ANKDD1B: variants seen among roughly 807,000 people sequenced by gnomAD.
The protein encoded by ANKDD1B is ankyrin repeat and death domain containing 1B.
Under a neutral mutation model 59.7 loss-of-function variants are expected in ANKDD1B, and 57 were observed. The ratio of observed to expected loss-of-function variants is 0.95; its 90% CI spans 0.77 to 1.19. The LOEUF (loss-of-function observed/expected upper bound fraction) is 1.19. ANKDD1B is among the 50% of genes most tolerant of loss of function. ANKDD1B has a pLI of 0.00. For synonymous variants in ANKDD1B, 216 were observed against 239.5 expected (o/e 0.90, Z 0.91); for missense variants, 602 against 641.9 (o/e 0.94, Z 0.67).
chr5:75,656,160 C>T (rs981678630), intron 9 of ANKDD1B, 33 bp downstream of exon 9: 1 of 1,090,088 alleles, frequency 9.2e-7, no homozygotes, highest in Non-Finnish European at 1.3e-6. Context: ...TGGAGGGTCT[C>T]TTTTCTTAGT....
chr5:75,648,565 C>G (rs954859219), intron 7 of ANKDD1B, among the ~76,000 whole-genome samples: 4 of 152,204 alleles, frequency 2.6e-5, no homozygotes, highest in African/African-American at 9.6e-5. Context: ...CATATTGCCC[C>G]TGTCCTTACA....
chr5:75,636,265 A>T (rs530803523), intron 7 of ANKDD1B, among the ~76,000 whole-genome samples: 1 of 152,344 alleles, frequency 6.6e-6, no homozygotes, highest in East Asian at 1.9e-4. Flanking sequence ...TACAGTTTTC[A>T]CAGAAGAGGT....
In ANKDD1B at chr5:75,625,897, G is replaced by A. The variant is rs149209328; in HGVS notation, c.542G>A (p.Arg181His). Reference sequence around the variant, plus strand: ...TTTGCCACTCAGAGCAATCATGTGCGCATCGTGGAGTATCTTATTCAAGAT... The same window carrying A: ...TTTGCCACTCAGAGCAATCATGTGCACATCGTGGAGTATCTTATTCAAGAT... ...LHFATQSNHV[R>H]IVEYLIQDLH... The change falls in exon 5 of 14, where the codon CGC becomes CAC. Residue 181 changes from arginine (R) to histidine (H), a missense_variant. This residue lies in a region of ANKDD1B where 317 missense variants were observed against 304.6 expected (regional missense o/e 1.04). Transcript: ENST00000601380. 431 of 1,536,190 alleles carry A rather than the reference G, an allele frequency of 2.8e-4. 2 individuals carry two copies. In the African/African-American group the frequency reaches 4.9e-3, roughly 17 times the overall value.
At chr5:75,664,926 CA>C (rs1775267136) in intron 11 of ANKDD1B, among the ~76,000 whole-genome samples, 1 of 152,022 alleles carries the variant, frequency 6.6e-6, no homozygotes, top group African/African-American at 2.4e-5. Context: ...TTTTTTTAAC[CA>C]AATGCATTTA....
chr5:75,654,066 T>C (rs1177583120), intron 8 of ANKDD1B, among the ~76,000 whole-genome samples: 1 of 152,240 alleles, frequency 6.6e-6, no homozygotes, highest in African/African-American at 2.4e-5. Context: ...AGAAGAGACC[T>C]ACACAGAAAT....
At chr5:75,667,083 G>A (rs1297788367) in intron 12 of ANKDD1B, 90 bp downstream of exon 12, 3 of 841,210 alleles carry the variant, frequency 3.6e-6, no homozygotes, top group Non-Finnish European at 5.1e-6. Flanking sequence ...GGAAGTGTGT[G>A]GCACTCACAA....
At chr5:75,651,107 A>T (rs532042647) in intron 7 of ANKDD1B, among the ~76,000 whole-genome samples, 2 of 152,350 alleles carry the variant, frequency 1.3e-5, no homozygotes, top group Admixed American at 1.3e-4. Context: ...TGGAACTGGC[A>T]CGCTGGAATT....
At chr5:75,643,568 G>A (rs1196044560) in intron 7 of ANKDD1B, among the ~76,000 whole-genome samples, 2 of 39,878 alleles carry the variant, frequency 5.0e-5, no homozygotes, top group Non-Finnish European at 8.0e-5. Flanking sequence ...AAAGAAATGA[G>A]CAAAGCCTCC....
At chr5:75,660,464 G>T (rs559555399) in intron 10 of ANKDD1B, among the ~76,000 whole-genome samples, 1 of 152,298 alleles carries the variant, frequency 6.6e-6, no homozygotes, top group Admixed American at 6.5e-5. Flanking sequence ...TTCATTGTAT[G>T]TCTATACCAC....
intron 1 of ANKDD1B, among the ~76,000 whole-genome samples, chr5:75,615,668 C>CTG (rs113185824): frequency 0.16 from 23,664 of 144,176 alleles, 2,958 homozygotes; most frequent in African/African-American, 0.36. Context: ...CTGGTCTTCC[C>CTG]TGTGTGTGTG....
At chr5:75,636,736 A>T (rs1206277023) in intron 7 of ANKDD1B, among the ~76,000 whole-genome samples, 1 of 152,162 alleles carries the variant, frequency 6.6e-6, no homozygotes, top group Non-Finnish European at 1.5e-5. Context: ...CATGAGCAAC[A>T]AACAGGATGA....
chr5:75,617,386 G>A (rs546823566), intron 2 of ANKDD1B, among the ~76,000 whole-genome samples: 11 of 152,252 alleles, frequency 7.2e-5, no homozygotes, highest in South Asian at 6.2e-4. Context: ...AATGTAGTGC[G>A]TCTCCCTCTT....
chr5:75,670,230 T>G (rs1775437880), intron 13 of ANKDD1B, among the ~76,000 whole-genome samples: 1 of 152,224 alleles, frequency 6.6e-6, no homozygotes, highest in African/African-American at 2.4e-5. Context: ...TGCCATGAAT[T>G]ATCTTGTTTT....
At chr5:75,667,858 C>T (rs1025935611) in intron 12 of ANKDD1B, among the ~76,000 whole-genome samples, 5 of 152,188 alleles carry the variant, frequency 3.3e-5, no homozygotes, top group African/African-American at 1.2e-4. Context: ...GGCAGAAGCA[C>T]AGTCCATGAG....
chr5:75,640,023 C>A (rs904647371), intron 7 of ANKDD1B, among the ~76,000 whole-genome samples: 1 of 151,706 alleles, frequency 6.6e-6, no homozygotes, highest in Non-Finnish European at 1.5e-5. Flanking sequence ...TACTATAATT[C>A]CTTATTTCTG....
At chr5:75,667,224 T>C (rs1775334797) in intron 12 of ANKDD1B, among the ~76,000 whole-genome samples, 1 of 152,204 alleles carries the variant, frequency 6.6e-6, no homozygotes, top group Non-Finnish European at 1.5e-5. Flanking sequence ...TAAAGGATGA[T>C]TATGTGTATT....
intron 5 of ANKDD1B, 91 bp downstream of exon 5, chr5:75,626,046 C>T: frequency 1.1e-6 from 1 of 934,116 alleles, no homozygotes; most frequent in Non-Finnish European, 1.6e-6. Context: ...AAGCAGCCAG[C>T]ACAGACAGAC....
chr5:75,619,014 G>A (rs1309042564), intron 2 of ANKDD1B, among the ~76,000 whole-genome samples: 1 of 152,192 alleles, frequency 6.6e-6, no homozygotes, highest in Non-Finnish European at 1.5e-5. Flanking sequence ...CCAAAGTGCT[G>A]GGACTACAGG....
chr5:75,636,343 A>G (rs1426586854), intron 7 of ANKDD1B, among the ~76,000 whole-genome samples: 1 of 152,208 alleles, frequency 6.6e-6, no homozygotes, highest in Admixed American at 6.5e-5. Context: ...TGGCATGAGT[A>G]TAAAGTATTT....
Sources: gnomAD v4.1 joint callset for allele counts (sites outside exome capture counted in the v4.1 genomes callset) on GRCh38, gnomAD v4.1.1 for gene constraint, gnomAD v4.1.1 regional missense constraint, MANE v1.5 for transcripts, NCBI Gene and HGNC (gene_info 2026-07-23, HGNC 2026-07-21) for gene names.